The following ZNRF3 variants were observed in gnomAD, a reference collection of about 807,000 sequenced individuals.
ZNRF3 encodes the protein E3 ubiquitin-protein ligase ZNRF3.
ZNRF3 carries 23 observed loss-of-function variants against 72.5 expected under a neutral mutation model. The ratio of observed to expected loss-of-function variants is 0.32; its 90% CI spans 0.23 to 0.45. ZNRF3 has a LOEUF of 0.45. Among genes scored for constraint, ZNRF3 ranks in the 20% least tolerant of loss-of-function variants. The pLI is 1.00. For synonymous variants in ZNRF3, 610 were observed against 545.3 expected, an observed-to-expected ratio of 1.12 and a Z score of -1.65; for missense variants, 1,169 against 1,272.1, an observed-to-expected ratio of 0.92 and a Z score of 1.23.
Position 29,053,740 on chromosome 22 carries a change from T to C in ZNRF3, c.*118T>C. The C allele has an allele frequency of 2.9e-6, 3 of 1,037,408 alleles. No homozygotes were observed. The highest frequency in any genetic ancestry group is 4.2e-6 in the Non-Finnish European group (3 of 714,606). The allele number at this position is 1,037,408 out of a possible 1,614,324, so 64.3% of individuals were successfully genotyped here. On this transcript the variant is annotated 3_prime_UTR_variant, in exon 9 of 9. Transcript: ENST00000544604. Reference sequence around the variant, plus strand: ...TTTGACAAACACACAAAAGTGGTAATAAAGAGAGCCCTCCTTGTCAACCCA... The same window carrying C: ...TTTGACAAACACACAAAAGTGGTAACAAAGAGAGCCCTCCTTGTCAACCCA...
intron 1 of ZNRF3, among the ~76,000 whole-genome samples, chr22:28,966,497 CAT>C (rs1483892877): frequency 1.3e-5 from 2 of 152,108 alleles, no homozygotes; most frequent in African/African-American, 2.4e-5. Flanking sequence ...GATGACAGCT[CAT>C]GTGTGTTACT....
At chr22:29,046,687 C>T in intron 5 of ZNRF3, 29 bp from the exon 6 acceptor site, 3 of 1,564,314 alleles carry the variant, frequency 1.9e-6, no homozygotes, top group Non-Finnish European at 2.6e-6. Context: ...CGTACTGGAC[C>T]CTCACACAGA....
At chr22:29,003,026 T>C (rs543537368) in intron 2 of ZNRF3, among the ~76,000 whole-genome samples, 34 of 152,238 alleles carry the variant, frequency 2.2e-4, no homozygotes, top group Non-Finnish European at 3.4e-4. Context: ...GAAATTCATC[T>C]GAAACAGTTC....
chr22:29,050,666 A>G lies in ZNRF3; in HGVS notation c.2485A>G (p.Ile829Val). The G allele has an allele frequency of 1.2e-6, 2 of 1,612,490 alleles. No homozygotes were observed. The highest frequency in any genetic ancestry group is 1.7e-6 in the Non-Finnish European group (2 of 1,179,632). Residue 829 changes from isoleucine (I) to valine (V), a missense_variant, in exon 8 of 9, where the codon ATC (isoleucine) becomes GTC (valine). Coordinates refer to ENST00000544604, the MANE Select transcript of ZNRF3 (RefSeq NM_001206998.2). ...CGGGGCCCGGGACCTGAGCCAGCGC[A>G]TCCCCATCATTCCAGAGGATGTGGA... ...YPGARDLSQR[I>V]PIIPEDVDCD...
intron 2 of ZNRF3, among the ~76,000 whole-genome samples, chr22:28,999,270 G>A (rs906022678): frequency 6.6e-6 from 1 of 152,058 alleles, no homozygotes; most frequent in Non-Finnish European, 1.5e-5. Context: ...GGAGGTGGGG[G>A]TTGCAGTGAG....
intron 2 of ZNRF3, among the ~76,000 whole-genome samples, chr22:29,001,015 T>C (rs1464494427): frequency 2.0e-5 from 3 of 149,902 alleles, no homozygotes; most frequent in Admixed American, 6.6e-5. Flanking sequence ...GGTCACCAAC[T>C]CCTGGCCTCA....
intron 2 of ZNRF3, among the ~76,000 whole-genome samples, chr22:29,005,318 A>G (rs1374860619): frequency 6.6e-6 from 1 of 152,252 alleles, no homozygotes; most frequent in African/African-American, 2.4e-5. Context: ...GTGGATGCAC[A>G]CACACTTGTG....
Position 28,924,411 on chromosome 22 carries a change from G to T in ZNRF3, c.300+40345G>T, listed in dbSNP as rs554161022. On this transcript the variant is annotated intron_variant, in intron 1 of 8. Transcript: ENST00000544604. ...TGCTTTCCTCTGGTGGGGTTGTCAG[G>T]CTTTGGAACACACCTGGTGAGCCAG... Among the ~76,000 whole-genome samples, 4 of 152,244 alleles carry T rather than the reference G, an allele frequency of 2.6e-5. No homozygotes were observed. The East Asian group carries it at 7.7e-4, about 29-fold the overall frequency.
At chr22:28,973,953 C>CTCT (rs1555976868) in intron 1 of ZNRF3, among the ~76,000 whole-genome samples, 6 of 111,474 alleles carry the variant, frequency 5.4e-5, no homozygotes, top group Non-Finnish European at 1.1e-4. Context: ...CTCTCTCTCT[C>CTCT]TTTTTTTTTT....
At chr22:28,975,441 G>A (rs539895570) in intron 1 of ZNRF3, among the ~76,000 whole-genome samples, 4 of 145,024 alleles carry the variant, frequency 2.8e-5, no homozygotes, top group African/African-American at 1.0e-4. Context: ...GGTGGAGGTT[G>A]TAGTGAGCCG....
chr22:29,053,571 T>C lies in ZNRF3; in HGVS notation c.2768-8T>C, dbSNP rs1218267348. 8 of 1,611,280 alleles carry C rather than the reference T, an allele frequency of 5.0e-6. No individual in the cohort carries two copies. The highest frequency in any genetic ancestry group is 1.7e-5 in the Admixed American group (1 of 59,722). ...CCTCCCCTGATGATTGTTCTCTCTCTTTCCCAGGACCGAGATCTCACTCAG... is the reference window on the plus strand; with the variant it reads ...CCTCCCCTGATGATTGTTCTCTCTCCTTCCCAGGACCGAGATCTCACTCAG... On this transcript the variant is annotated splice_polypyrimidine_tract_variant and splice_region_variant and intron_variant, in intron 8 of 8. Coordinates refer to ENST00000544604, the MANE Select transcript of ZNRF3 (RefSeq NM_001206998.2).
At chr22:28,919,139 A>G (rs2034465153) in intron 1 of ZNRF3, among the ~76,000 whole-genome samples, 1 of 152,142 alleles carries the variant, frequency 6.6e-6, no homozygotes, top group Non-Finnish European at 1.5e-5. Context: ...TTTTCTAGAG[A>G]AGAATGCCAA....
intron 4 of ZNRF3, among the ~76,000 whole-genome samples, chr22:29,044,460 G>C (rs2037022305): frequency 6.6e-6 from 1 of 152,206 alleles, no homozygotes; most frequent in Non-Finnish European, 1.5e-5. Context: ...GTGATTATTT[G>C]TGTTGATTTG....
Position 29,056,353 on chromosome 22 carries a change from G to C in ZNRF3, c.*2731G>C, listed in dbSNP as rs190804823. On this transcript the variant is annotated 3_prime_UTR_variant, in exon 9 of 9. Transcript: ENST00000544604. ...CGACCTCAGGTGATCCGCCCACCTC[G>C]GCCTCCCAAAGTGCTGGGATTACAG... is the stretch of plus-strand genomic sequence containing the variant. 1 of 152,086 alleles carries C rather than the reference G, an allele frequency of 6.6e-6. No individual in the cohort carries two copies. The highest frequency in any genetic ancestry group is 2.4e-5 in the African/African-American group (1 of 41,378). 9.4% of individuals were successfully genotyped at this position (152,086 alleles called of 1,614,324 possible).
At chr22:28,952,130 G>A (rs551412237) in intron 1 of ZNRF3, among the ~76,000 whole-genome samples, 1 of 152,244 alleles carries the variant, frequency 6.6e-6, no homozygotes, top group Non-Finnish European at 1.5e-5. Flanking sequence ...CAAGAAAAGC[G>A]AGCTGCTGGA....
intron 2 of ZNRF3, among the ~76,000 whole-genome samples, chr22:29,011,331 A>G (rs1438679623): frequency 6.6e-6 from 1 of 152,006 alleles, no homozygotes; most frequent in Admixed American, 6.6e-5. Flanking sequence ...TCTGTGGTCA[A>G]CCTCTTACAA....
At chr22:28,952,844 C>G (rs1237442486) in intron 1 of ZNRF3, among the ~76,000 whole-genome samples, 1 of 152,180 alleles carries the variant, frequency 6.6e-6, no homozygotes, top group African/African-American at 2.4e-5. Context: ...GTTCCTGTGT[C>G]TGAGTCTGCT....
chr22:28,911,452 G>GT (rs1439160836), intron 1 of ZNRF3, among the ~76,000 whole-genome samples: 1 of 152,194 alleles, frequency 6.6e-6, no homozygotes, highest in Non-Finnish European at 1.5e-5. Context: ...TTCAGGGGCA[G>GT]TTTTCCAGCA....
chr22:28,939,239 G>GTGCC (rs2034895689), intron 1 of ZNRF3, among the ~76,000 whole-genome samples: 1 of 147,938 alleles, frequency 6.8e-6, no homozygotes. Flanking sequence ...AGCCAAGATT[G>GTGCC]TGCCACTGCA....
Sources: allele counts gnomAD v4.1 joint callset (sites outside exome capture counted in the v4.1 genomes callset), GRCh38; gene constraint gnomAD v4.1.1; transcripts MANE v1.5; gene names NCBI Gene and HGNC (gene_info 2026-07-23, HGNC 2026-07-21).